FSTL5: variants seen among roughly 807,000 people sequenced by gnomAD.
FSTL5 encodes the protein follistatin like 5.
FSTL5 carries 62 observed loss-of-function variants against 89.1 expected under a neutral mutation model. The ratio of observed to expected loss-of-function variants is 0.70; its 90% CI spans 0.57 to 0.86. The LOEUF (loss-of-function observed/expected upper bound fraction) is 0.86. Among genes scored for constraint, FSTL5 ranks in the 40% least tolerant of loss-of-function variants. FSTL5 has a pLI of 0.00. For synonymous variants in FSTL5, 383 were observed against 346.2 expected (o/e 1.11, Z -1.18); for missense variants, 1,057 against 1,001.6 (o/e 1.06, Z -0.75).
intron 6 of FSTL5, among the ~76,000 whole-genome samples, chr4:161,707,114 T>A (rs1209140061): frequency 6.6e-6 from 1 of 151,944 alleles, no homozygotes; most frequent in Non-Finnish European, 1.5e-5. Flanking sequence ...AATTTGTTTT[T>A]TTCTGTAAAT....
chr4:161,575,092 T>C (rs1023173139), intron 8 of FSTL5, among the ~76,000 whole-genome samples: 1 of 152,212 alleles, frequency 6.6e-6, no homozygotes, highest in Non-Finnish European at 1.5e-5. Context: ...ATTTCTCTAA[T>C]AACCAGTGAT....
At chr4:161,883,926 C>A (rs962410933) in intron 4 of FSTL5, among the ~76,000 whole-genome samples, 1 of 152,024 alleles carries the variant, frequency 6.6e-6, no homozygotes, top group Non-Finnish European at 1.5e-5. Flanking sequence ...TTGTTTAATG[C>A]TTTTAAAAGA....
intron 2 of FSTL5, among the ~76,000 whole-genome samples, chr4:162,053,545 A>G (rs1738448692): frequency 6.6e-6 from 1 of 151,786 alleles, no homozygotes; most frequent in South Asian, 2.1e-4. Context: ...TGGAATCAAC[A>G]GACTATGCTC....
At chr4:161,568,052 T>G (rs1215287167) in intron 8 of FSTL5, among the ~76,000 whole-genome samples, 6 of 151,486 alleles carry the variant, frequency 4.0e-5, no homozygotes, top group Non-Finnish European at 8.8e-5. Flanking sequence ...ATCAGCAGTG[T>G]TGGCTCTGTC....
intron 8 of FSTL5, among the ~76,000 whole-genome samples, chr4:161,543,458 G>A (rs1261928599): frequency 1.3e-5 from 2 of 151,344 alleles, no homozygotes; most frequent in African/African-American, 4.8e-5. Flanking sequence ...CATTTTTTTC[G>A]AGAAATTAAA....
chr4:162,143,391 C>G (rs902398084), intron 1 of FSTL5, among the ~76,000 whole-genome samples: 5 of 151,986 alleles, frequency 3.3e-5, no homozygotes, highest in Non-Finnish European at 4.4e-5. Flanking sequence ...TATGCTATCA[C>G]TTAAAAGTGT....
chr4:161,927,145 TG>T (rs1277635272), intron 3 of FSTL5, among the ~76,000 whole-genome samples: 1 of 151,786 alleles, frequency 6.6e-6, no homozygotes, highest in Non-Finnish European at 1.5e-5. Context: ...TAAACCATGT[TG>T]ATCTAGATAA....
chr4:161,931,008 G>A (rs556564383), intron 3 of FSTL5, among the ~76,000 whole-genome samples: 1 of 151,888 alleles, frequency 6.6e-6, no homozygotes, highest in African/African-American at 2.4e-5. Flanking sequence ...TGTCTAGTAG[G>A]GCTCCCAGAA....
chr4:162,052,775 T>C (rs1353153832), intron 2 of FSTL5, among the ~76,000 whole-genome samples: 1 of 151,856 alleles, frequency 6.6e-6, no homozygotes, highest in Admixed American at 6.6e-5. Flanking sequence ...CACACACTTT[T>C]TTGTGGTGAG....
At chr4:161,796,285 T>C (rs1031349457) in intron 4 of FSTL5, among the ~76,000 whole-genome samples, 3 of 151,834 alleles carry the variant, frequency 2.0e-5, no homozygotes, top group African/African-American at 7.2e-5. Context: ...GCACAAATTG[T>C]AGTTCTCAAA....
chr4:161,521,147 AC>A (rs1276589954), intron 10 of FSTL5, among the ~76,000 whole-genome samples: 2 of 152,198 alleles, frequency 1.3e-5, no homozygotes, highest in African/African-American at 4.8e-5. Flanking sequence ...CAGTGTTACC[AC>A]TTACAGTATC....
intron 3 of FSTL5, among the ~76,000 whole-genome samples, chr4:162,012,136 C>G (rs1458656921): frequency 1.3e-5 from 2 of 152,184 alleles, no homozygotes; most frequent in Non-Finnish European, 2.9e-5. Flanking sequence ...CACGAATATA[C>G]TGTCTGGTTT....
In FSTL5 at chr4:162,000,455, G is replaced by A. The variant is rs190197017; in HGVS notation, c.160+33170C>T. On this transcript the variant is annotated intron_variant, in intron 3 of 15. Transcript: ENST00000306100. The stretch of plus-strand genomic sequence containing the variant: ...AAAATACAAAAAAACAAAATTAGCC[G>A]GGCGTGGTGGCAGGCGCCTGTAATC... Among the ~76,000 whole-genome samples the A allele has an allele frequency of 6.8e-3, 1,038 of 151,628 alleles. 11 individuals are homozygous for A. The highest frequency in any genetic ancestry group is 0.024 in the African/African-American group (984 of 41,334).
chr4:162,150,630 A>T (rs57448119), intron 1 of FSTL5, among the ~76,000 whole-genome samples: 35,365 of 152,044 alleles, frequency 0.23, 4,304 homozygotes, highest in Non-Finnish European at 0.26. Context: ...GTAAATAAAA[A>T]TCCAGAGTGC....
chr4:161,925,803 G>A (rs906440563), intron 3 of FSTL5, among the ~76,000 whole-genome samples: 10 of 151,686 alleles, frequency 6.6e-5, no homozygotes, highest in Non-Finnish European at 1.5e-4. Flanking sequence ...ATTATTATAA[G>A]CATTGGAAAT....
At chr4:162,142,921 T>C (rs771814427) in intron 1 of FSTL5, among the ~76,000 whole-genome samples, 3 of 152,184 alleles carry the variant, frequency 2.0e-5, no homozygotes, top group Non-Finnish European at 4.4e-5. Flanking sequence ...GTATGCATAA[T>C]ACCTAATACA....
intron 8 of FSTL5, among the ~76,000 whole-genome samples, chr4:161,553,764 G>A (rs1732294610): frequency 6.6e-6 from 1 of 151,344 alleles, no homozygotes; most frequent in African/African-American, 2.4e-5. Flanking sequence ...AGAGATCCTG[G>A]AAAAAAATCA....
At chr4:161,695,424 C>CAT (rs1553959078) in intron 6 of FSTL5, among the ~76,000 whole-genome samples, 2 of 134,248 alleles carry the variant, frequency 1.5e-5, no homozygotes, top group African/African-American at 2.7e-5. Flanking sequence ...CCATGGTGTA[C>CAT]GTGTGTGTGT....
At chr4:161,667,815 A>G (rs549362823) in intron 6 of FSTL5, among the ~76,000 whole-genome samples, 1 of 152,188 alleles carries the variant, frequency 6.6e-6, no homozygotes, top group African/African-American at 2.4e-5. Context: ...AACACATTAG[A>G]GATGAAAAAT....
Sources: gnomAD v4.1 joint callset for allele counts (sites outside exome capture counted in the v4.1 genomes callset) on GRCh38, gnomAD v4.1.1 for gene constraint, MANE v1.5 for transcripts, NCBI Gene and HGNC (gene_info 2026-07-23, HGNC 2026-07-21) for gene names.